The following SCN10A variants were observed in gnomAD, a reference collection of about 807,000 sequenced individuals.
SCN10A encodes sodium channel protein type 10 subunit alpha.
A neutral mutation model predicts 170.7 loss-of-function variants in SCN10A; 162 were observed. The observed-to-expected ratio is 0.95, with a 90% CI of 0.84 to 1.08. The LOEUF is 1.08. SCN10A is among the 50% of genes least tolerant of loss of function. The probability of loss-of-function intolerance (pLI) is 0.00; values close to 1 mark genes in which losing one functional copy is unlikely to be tolerated. For synonymous variants in SCN10A, 985 were observed against 904.6 expected (o/e 1.09, Z -1.59); for missense variants, 2,527 against 2,436.9 (o/e 1.04, Z -0.78).
At chr3:38,750,947 G>A (rs557734517) in intron 12 of SCN10A, among the ~76,000 whole-genome samples, 6 of 152,272 alleles carry the variant, frequency 3.9e-5, no homozygotes, top group Non-Finnish European at 7.4e-5. Context: ...TGACTTTAAG[G>A]CTCTGTTTTG....
intron 1 of SCN10A, among the ~76,000 whole-genome samples, chr3:38,806,960 C>A (rs1406574029): frequency 6.6e-6 from 1 of 152,132 alleles, no homozygotes; most frequent in African/African-American, 2.4e-5. Context: ...TCCCTTCTAT[C>A]TTGACAAGAA....
At chr3:38,755,432 A>G (rs987283453) in intron 11 of SCN10A, among the ~76,000 whole-genome samples, 1 of 149,466 alleles carries the variant, frequency 6.7e-6, no homozygotes, top group South Asian at 2.1e-4. Flanking sequence ...TGGGCTTCCC[A>G]CCTTTCCTAC....
chr3:38,791,974 C>T (rs1281138476), intron 3 of SCN10A, 76 bp downstream of exon 3: 4 of 1,550,924 alleles, frequency 2.6e-6, no homozygotes, highest in Non-Finnish European at 3.5e-6. Flanking sequence ...CTGTTGCTAA[C>T]CTCTAAAGAA....
intron 21 of SCN10A, among the ~76,000 whole-genome samples, chr3:38,716,337 C>A (rs1350227894): frequency 6.6e-6 from 1 of 152,078 alleles, no homozygotes; most frequent in Non-Finnish European, 1.5e-5. Context: ...GTAAGTGAAT[C>A]ATGGGAGCAG....
chr3:38,723,632 A>AC, intron 18 of SCN10A, 79 bp from the exon 19 acceptor site: 1 of 1,488,180 alleles, frequency 6.7e-7, no homozygotes, highest in Non-Finnish European at 9.1e-7. Flanking sequence ...TGCAGGTTCA[A>AC]CTGCACCCAT....
intron 15 of SCN10A, among the ~76,000 whole-genome samples, chr3:38,737,488 A>G (rs1458090236): frequency 6.6e-6 from 1 of 152,156 alleles, no homozygotes; most frequent in Non-Finnish European, 1.5e-5. Flanking sequence ...AAAGAGTCCT[A>G]CCAGGCCTAC....
At chr3:38,793,475 G>A (rs1017167668) in intron 2 of SCN10A, among the ~76,000 whole-genome samples, 1 of 152,006 alleles carries the variant, frequency 6.6e-6, no homozygotes, top group Admixed American at 6.6e-5. Context: ...GTCATCCAAG[G>A]GAACAGCCAA....
intron 4 of SCN10A, among the ~76,000 whole-genome samples, chr3:38,788,039 G>A (rs1275534902): frequency 2.0e-5 from 3 of 151,862 alleles, no homozygotes; most frequent in Non-Finnish European, 4.4e-5. Context: ...GTGTATATGT[G>A]CCACATTTAT....
chr3:38,760,737 G>A lies in SCN10A; in HGVS notation c.894C>T (p.Tyr298=). Residue 298 remains tyrosine, a synonymous_variant, in exon 8 of 28, where the codon TAC becomes TAT. Transcript: ENST00000449082. The part of the protein sequence containing the change: ...NYSSHRKPDI[Y]INKRGTSDPL... ...GGTCAGAAGTGCCTCGCTTATTTATGTAGATATCTGCTGAAGAAAGGAAGA... is the reference window on the plus strand; with the variant it reads ...GGTCAGAAGTGCCTCGCTTATTTATATAGATATCTGCTGAAGAAAGGAAGA... The A allele has an allele frequency of 2.5e-6, 4 of 1,613,610 alleles. No homozygotes were observed. Among genetic ancestry groups the A allele is most frequent in the Middle Eastern group, 1.6e-4 (1 of 6,062 alleles).
Position 38,779,054 on chromosome 3 carries a change from T to C in SCN10A, c.471-7647A>G, listed in dbSNP as rs910640896. 6.0e-5 allele frequency among the ~76,000 whole-genome samples: 9 copies of C among 150,728 alleles called. No homozygotes were observed. In the Admixed American group the frequency reaches 6.0e-4, roughly 10 times the overall value. On this transcript the variant is annotated intron_variant, in intron 4 of 27. Transcript: ENST00000449082. ...TTTGGCAATATCTCAAAAATTAAAA[T>C]GTACACCCCTTTGACCTGGCAATTC...
intron 3 of SCN10A, among the ~76,000 whole-genome samples, chr3:38,791,123 C>A (rs532708277): frequency 6.6e-6 from 1 of 152,254 alleles, no homozygotes; most frequent in Admixed American, 6.5e-5. Flanking sequence ...CTGAAGCCTT[C>A]TAAGAAAAGG....
intron 2 of SCN10A, among the ~76,000 whole-genome samples, chr3:38,793,353 G>A (rs1359269994): frequency 6.6e-6 from 1 of 152,016 alleles, no homozygotes; most frequent in African/African-American, 2.4e-5. Flanking sequence ...AGGACCACTG[G>A]CTTAAATTCA....
intron 1 of SCN10A, among the ~76,000 whole-genome samples, chr3:38,810,912 G>C (rs923632243): frequency 2.0e-5 from 3 of 152,172 alleles, no homozygotes; most frequent in Non-Finnish European, 4.4e-5. Context: ...TCTAAAGTTT[G>C]AGTCCTCTCA....
Position 38,810,176 on chromosome 3 carries a change from A to G in SCN10A, c.-33+5861T>C, listed in dbSNP as rs1471158550. Among the ~76,000 whole-genome samples, 11 of 152,368 alleles carry G rather than the reference A, an allele frequency of 7.2e-5. No homozygotes were observed. In the East Asian group the frequency reaches 2.1e-3, roughly 29 times the overall value. On this transcript the variant is annotated intron_variant, in intron 1 of 27. Transcript: ENST00000449082. ...TAATTATTTCAGAGCCAAAGTGTTT[A>G]TCATGAACAATAATCCCCCTTTTTT...
chr3:38,793,036 G>GTA (rs1036864453), intron 2 of SCN10A, among the ~76,000 whole-genome samples: 2 of 151,590 alleles, frequency 1.3e-5, no homozygotes, highest in South Asian at 2.1e-4. Context: ...ATAGTTGTAT[G>GTA]TATATATATA....
In SCN10A at chr3:38,739,574, G is replaced by C. The variant is rs137906740; in HGVS notation, c.2221C>G (p.Leu741Val). ...IFDCIIVTVS[L>V]LELGVAKKGS... ...TTCTTGGCCACGCCCAGCTCTAGCA[G>C]ACTCACAGTGACGATGATGCAGTCA... Residue 741 changes from leucine (L) to valine (V), a missense_variant, in exon 15 of 28, where the codon CTG becomes GTG. Physicochemically the swap from Leu to Val is conservative, Grantham distance 32 (BLOSUM62 1). Transcript: ENST00000449082. The C allele has an allele frequency of 3.3e-5, 54 of 1,614,082 alleles. No individual in the cohort carries two copies. The highest frequency in any genetic ancestry group is 4.2e-5 in the Non-Finnish European group (50 of 1,180,030).
chr3:38,784,331 G>A (rs536719675), intron 4 of SCN10A, among the ~76,000 whole-genome samples: 15 of 152,076 alleles, frequency 9.9e-5, no homozygotes, highest in African/African-American at 2.9e-4. Context: ...TTCAACATAC[G>A]CAAGTCAATA....
chr3:38,742,797 C>T (rs570775612), intron 13 of SCN10A, among the ~76,000 whole-genome samples: 1 of 152,286 alleles, frequency 6.6e-6, no homozygotes, highest in East Asian at 1.9e-4. Flanking sequence ...CCTTACTTCT[C>T]AATTTGCCCA....
intron 20 of SCN10A, among the ~76,000 whole-genome samples, chr3:38,722,002 A>G (rs2063394533): frequency 6.6e-6 from 1 of 152,178 alleles, no homozygotes; most frequent in Non-Finnish European, 1.5e-5. Flanking sequence ...CCATCTATAT[A>G]GTGGGAGGCA....
Sources: gnomAD v4.1 joint callset for allele counts (sites outside exome capture counted in the v4.1 genomes callset) on GRCh38, gnomAD v4.1.1 for gene constraint, MANE v1.5 for transcripts, NCBI Gene and HGNC (gene_info 2026-07-23, HGNC 2026-07-21) for gene names.